Variants in OR10A2 observed in about 807,000 individuals in gnomAD.
OR10A2 encodes the protein olfactory receptor 10A2.
Under a neutral mutation model 13.7 loss-of-function variants are expected in OR10A2, and 15 were observed. The ratio of observed to expected loss-of-function variants is 1.10; its 90% CI spans 0.73 to 1.69. OR10A2 has a LOEUF of 1.69. OR10A2 is among the 40% of genes most tolerant of loss of function. The pLI is 0.00. For synonymous variants in OR10A2, 145 were observed against 144.7 expected, an observed-to-expected ratio of 1.00 and a Z score of -0.02; for missense variants, 343 against 361.1, an observed-to-expected ratio of 0.95 and a Z score of 0.41.
Position 6,870,659 on chromosome 11 carries a change from T to C in OR10A2, c.905T>C (p.Ile302Thr). The part of the protein sequence containing the change: ...VSKALALRNC[I>T]P ...AAGGCCCTAGCCCTCAGAAACTGTA[T>C]CCCATAGACCTTAGGAAGTAAGGCT... The change falls in exon 2 of 2, where the codon ATC (isoleucine) becomes ACC (threonine). Residue 302 changes from isoleucine to threonine, a missense_variant. Coordinates refer to ENST00000641461, the MANE Select transcript of OR10A2 (RefSeq NM_001004460.2). The C allele has an allele frequency of 6.4e-7, 1 of 1,570,858 alleles. No homozygotes were observed. The highest frequency in any genetic ancestry group is 1.4e-5 in the African/African-American group (1 of 73,316).
intron 1 of OR10A2, among the ~76,000 whole-genome samples, chr11:6,864,098 A>T (rs1848362093): frequency 6.6e-6 from 1 of 152,210 alleles, no homozygotes; most frequent in South Asian, 2.1e-4. Context: ...AACTGGCAAG[A>T]ACGCTGTGGG....
At chr11:6,866,416 ATTTC>A (rs1848378688) in intron 1 of OR10A2, among the ~76,000 whole-genome samples, 1 of 151,992 alleles carries the variant, frequency 6.6e-6, no homozygotes, top group Non-Finnish European at 1.5e-5. Flanking sequence ...CCTTTATGAG[ATTTC>A]TTTTTTTTTA....
chr11:6,866,411 A>T (rs1375900161), intron 1 of OR10A2, among the ~76,000 whole-genome samples: 1 of 152,190 alleles, frequency 6.6e-6, no homozygotes, highest in East Asian at 1.9e-4. Context: ...TTAAACCTTT[A>T]TGAGATTTCT....
At chr11:6,868,382 T>C (rs1848396715) in intron 1 of OR10A2, among the ~76,000 whole-genome samples, 1 of 152,120 alleles carries the variant, frequency 6.6e-6, no homozygotes, top group Non-Finnish European at 1.5e-5. Flanking sequence ...TAATTATAGA[T>C]ATACCACCTA....
At chr11:6,868,698 C>T (rs7112606) in intron 1 of OR10A2, among the ~76,000 whole-genome samples, 23,939 of 151,720 alleles carry the variant, frequency 0.16, 2,281 homozygotes, top group East Asian at 0.36. Context: ...CCAGAGTTTG[C>T]TAACCACATT....
Position 6,870,696 on chromosome 11 carries a change from G to A in OR10A2, c.*30G>A. 2.1e-6 allele frequency: 3 copies of A among 1,461,018 alleles called. No homozygotes were observed. Among genetic ancestry groups the A allele is most frequent in the Non-Finnish European group, 2.8e-6 (3 of 1,082,254 alleles). 90.5% of individuals were successfully genotyped at this position (1,461,018 alleles called of 1,614,324 possible). On this transcript the variant is annotated 3_prime_UTR_variant, in exon 2 of 2. Coordinates refer to ENST00000641461, the MANE Select transcript of OR10A2 (RefSeq NM_001004460.2). ...TAGGAAGTAAGGCTACATTTTACTG[G>A]ATGAGAAACAATCAGTCCCAGATTT... is the stretch of plus-strand genomic sequence containing the variant.
At position 6,869,919 on chromosome 11, in the gene OR10A2, C is replaced by T. The variant is rs1264675981; in HGVS notation, c.165C>T (p.Phe55=). The T allele has an allele frequency of 1.2e-5, 20 of 1,614,178 alleles. No individual in the cohort carries two copies. The highest frequency in any genetic ancestry group is 1.7e-5 in the Non-Finnish European group (20 of 1,180,000). Residue 55 remains phenylalanine, a synonymous_variant, in exon 2 of 2, where the codon TTC becomes TTT. Transcript: ENST00000641461. Reference sequence around the variant, plus strand: ...ACTTCTTCCTCAGAAACTTATCTTTCCTGGAGATTGGCTTCAACCTAGTCA... The same window carrying T: ...ACTTCTTCCTCAGAAACTTATCTTTTCTGGAGATTGGCTTCAACCTAGTCA... ...PMYFFLRNLS[F]LEIGFNLVIV...
Position 6,869,785 on chromosome 11 carries a change from C to T in OR10A2, c.31C>T (p.Gln11Ter), listed in dbSNP as rs776829938. ...CTTCTCTTCCCTGCCTACTGAAATACAGTCATTACTCTTTCTGACATTTCT... is the reference window on the plus strand; with the variant it reads ...CTTCTCTTCCCTGCCTACTGAAATATAGTCATTACTCTTTCTGACATTTCT... MSFSSLPTEI[Q>*]SLLFLTFLTI... Residue 11 changes from glutamine to a stop codon, truncating the protein, a stop_gained, in exon 2 of 2, where the codon CAG becomes TAG. Coordinates refer to ENST00000641461, the MANE Select transcript of OR10A2 (RefSeq NM_001004460.2). LOFTEE classifies it high-confidence loss of function. The T allele has an allele frequency of 3.1e-6, 5 of 1,614,092 alleles. No individual in the cohort carries two copies. The highest frequency in any genetic ancestry group is 1.6e-4 in the Middle Eastern group (1 of 6,062).
Position 6,870,154 on chromosome 11 carries a change from G to A in OR10A2, c.400G>A (p.Ala134Thr), listed in dbSNP as rs2741764. 503,740 of 1,614,040 alleles carry A rather than the reference G, an allele frequency of 0.31. 81,730 individuals carry two copies. Among genetic ancestry groups the A allele is most frequent in the Middle Eastern group, 0.43 (2,575 of 6,058 alleles). Residue 134 changes from alanine to threonine, a missense_variant, in exon 2 of 2, where the codon GCC (alanine) becomes ACC (threonine). Ala to Thr is a moderately conservative substitution (Grantham distance 58). Transcript: ENST00000641461. ...NQRTRAKLAA[A>T]SWFPGFPVAT... ...AAGGACTCGTGCCAAACTGGCTGCT[G>A]CCTCCTGGTTCCCAGGCTTTCCTGT...
At chr11:6,867,791 C>T (rs1475995358) in intron 1 of OR10A2, among the ~76,000 whole-genome samples, 1 of 151,994 alleles carries the variant, frequency 6.6e-6, no homozygotes, top group African/African-American at 2.4e-5. Context: ...ACTCTGTCAC[C>T]CAGGCTGGAG....
chr11:6,865,610 T>G (rs1016406462), intron 1 of OR10A2, among the ~76,000 whole-genome samples: 4 of 152,172 alleles, frequency 2.6e-5, no homozygotes, highest in African/African-American at 9.7e-5. Flanking sequence ...ACTGGGAAAT[T>G]TCTATTTTTC....
chr11:6,873,824 G>A lies in OR10A2; in HGVS notation c.*3158G>A, dbSNP rs1848459774. 1 of 150,602 alleles carries A rather than the reference G, an allele frequency of 6.6e-6. No individual in the cohort carries two copies. Among genetic ancestry groups the A allele is most frequent in the African/African-American group, 2.4e-5 (1 of 41,058 alleles). 9.3% of individuals were successfully genotyped at this position (150,602 alleles called of 1,614,324 possible). A position where few individuals can be genotyped will look rare whatever the true frequency, so the allele number is the denominator to read the frequency against. On this transcript the variant is annotated 3_prime_UTR_variant, in exon 2 of 2. Transcript: ENST00000641461. ...ACAGATCACATACAAACCAAGGATG[G>A]TTTGAAGAGAATGAACCAGAAGCAG... is the stretch of plus-strand genomic sequence containing the variant.
chr11:6,864,848 T>G (rs4310589), intron 1 of OR10A2, among the ~76,000 whole-genome samples: 49,063 of 150,492 alleles, frequency 0.33, 8,501 homozygotes, highest in South Asian at 0.41. Context: ...CCCCAATTTT[T>G]TAATTATAAA....
chr11:6,870,388 A>C lies in OR10A2; in HGVS notation c.634A>C (p.Ile212Leu), dbSNP rs1407645223. The C allele has an allele frequency of 1.2e-6, 2 of 1,614,206 alleles. No individual in the cohort carries two copies. ...LCSYTHIAAA[I>L]LKIPSAKGKN... ...TTCCTATACTCACATTGCTGCTGCC[A>C]TCCTCAAGATCCCATCAGCTAAAGG... The change falls in exon 2 of 2, where the codon ATC (isoleucine) becomes CTC (leucine). Residue 212 changes from isoleucine (I) to leucine (L), a missense_variant. Ile to Leu is a conservative substitution (Grantham distance 5, BLOSUM62 2). Coordinates refer to ENST00000641461, the MANE Select transcript of OR10A2 (RefSeq NM_001004460.2).
In OR10A2 at chr11:6,871,622, T is replaced by C. The variant is rs1361639727; in HGVS notation, c.*956T>C. 2.0e-5 allele frequency: 3 copies of C among 152,224 alleles called. No homozygotes were observed. Among genetic ancestry groups the C allele is most frequent in the Admixed American group, 6.5e-5 (1 of 15,288 alleles). The allele number at this position is 152,224 out of a possible 1,614,324, so 9.4% of individuals were successfully genotyped here. A position where few individuals can be genotyped will look rare whatever the true frequency, so the allele number is the denominator to read the frequency against. ...ACAACCTGAGCTTCCCTAAGATCTC[T>C]ATTCCATATTCAGGTTCTTATGTTT... is the stretch of plus-strand genomic sequence containing the variant. On this transcript the variant is annotated 3_prime_UTR_variant, in exon 2 of 2. Transcript: ENST00000641461.
intron 1 of OR10A2, among the ~76,000 whole-genome samples, chr11:6,866,420 C>CT (rs1179670865): frequency 5.9e-5 from 9 of 151,676 alleles, no homozygotes; most frequent in Non-Finnish European, 7.4e-5. Context: ...TATGAGATTT[C>CT]TTTTTTTTTA....
Position 6,870,569 on chromosome 11 carries a change from T to C in OR10A2, c.815T>C (p.Leu272Ser). The C allele has an allele frequency of 6.2e-7, 1 of 1,614,144 alleles. No individual in the cohort carries two copies. The highest frequency in any genetic ancestry group is 8.5e-7 in the Non-Finnish European group (1 of 1,179,982). The change falls in exon 2 of 2, where the codon TTG becomes TCG. Residue 272 changes from leucine (L) to serine (S), a missense_variant. By Grantham distance (145) the Leu-to-Ser change is moderately radical. Coordinates refer to ENST00000641461, the MANE Select transcript of OR10A2 (RefSeq NM_001004460.2). The part of the protein sequence containing the change: ...SLSYTVMTPM[L>S]NPIIYSLRNN... ...TCCTACACTGTTATGACTCCCATGT[T>C]GAACCCCATTATCTACAGCCTGAGA...
chr11:6,865,119 T>C (rs1317091651), intron 1 of OR10A2, among the ~76,000 whole-genome samples: 6 of 115,962 alleles, frequency 5.2e-5, no homozygotes, highest in Non-Finnish European at 2.0e-5. Flanking sequence ...TTATATATTT[T>C]CATATAATTA....
Position 6,869,892 on chromosome 11 carries a change from G to A in OR10A2, c.138G>A (p.Met46Ile), listed in dbSNP as rs1848411455. 1 of 1,614,144 alleles carries A rather than the reference G, an allele frequency of 6.2e-7. No homozygotes were observed. The highest frequency in any genetic ancestry group is 1.1e-5 in the South Asian group (1 of 91,082). Residue 46 changes from methionine (M) to isoleucine (I), a missense_variant, in exon 2 of 2, where the codon ATG (methionine) becomes ATA (isoleucine). By Grantham distance (10) the Met-to-Ile change is conservative. Transcript: ENST00000641461. ...TLADPMLHSP[M>I]YFFLRNLSFL... ...CTGACCCCATGCTACACAGCCCCAT[G>A]TACTTCTTCCTCAGAAACTTATCTT...
Sources: gnomAD v4.1 joint callset for allele counts (sites outside exome capture counted in the v4.1 genomes callset) on GRCh38, gnomAD v4.1.1 for gene constraint, MANE v1.5 for transcripts, NCBI Gene and HGNC (gene_info 2026-07-23, HGNC 2026-07-21) for gene names.